The following SAMD5 variants were observed in gnomAD, a reference collection of about 807,000 sequenced individuals.
The protein encoded by SAMD5 is sterile alpha motif domain containing 5.
Under a neutral mutation model 11.3 loss-of-function variants are expected in SAMD5, and 13 were observed. The observed-to-expected ratio is 1.15, with a 90% confidence interval of 0.75 to 1.83. The LOEUF (loss-of-function observed/expected upper bound fraction) is 1.83, where lower values mean the gene tolerates loss of function less well. Among genes scored for constraint, SAMD5 ranks in the 40% most tolerant of loss-of-function variants. The probability of loss-of-function intolerance (pLI) is 0.00; values close to 1 mark genes in which losing one functional copy is unlikely to be tolerated. For missense variants in SAMD5, 255 were observed against 239.1 expected (o/e 1.07, Z -0.44); for synonymous variants, 129 against 111.3 (o/e 1.16, Z -1.00).
the SAMD5 span, among the ~76,000 whole-genome samples, chr6:147,877,033 G>A: frequency 6.6e-6 from 1 of 151,968 alleles, no homozygotes; most frequent in African/African-American, 2.4e-5. Flanking sequence ...TCATTTAACA[G>A]CAGGACCTAA....
chr6:147,813,080 A>G, the SAMD5 span, among the ~76,000 whole-genome samples: 26 of 152,196 alleles, frequency 1.7e-4, 1 homozygote, highest in Non-Finnish European at 1.5e-5. Flanking sequence ...AGTACTTCTT[A>G]TCTGTTCTTT....
intron 1 of SAMD5, among the ~76,000 whole-genome samples, chr6:147,541,816 T>C (rs944235742): frequency 4.6e-5 from 7 of 152,160 alleles, no homozygotes; most frequent in African/African-American, 7.2e-5. Context: ...ATCTTCCTGG[T>C]TGAGAAGTCT....
chr6:147,586,586 G>C (rs1789377842), intron 1 of SAMD5, among the ~76,000 whole-genome samples: 1 of 151,974 alleles, frequency 6.6e-6, no homozygotes, highest in Non-Finnish European at 1.5e-5. Flanking sequence ...CTTTAAATAA[G>C]TCCATATTGT....
chr6:147,948,298 T>C, the SAMD5 span, among the ~76,000 whole-genome samples: 1 of 149,586 alleles, frequency 6.7e-6, no homozygotes, highest in Admixed American at 6.7e-5. Context: ...AAAACACGAA[T>C]CATTTGATCT....
chr6:147,896,109 C>T, the SAMD5 span, among the ~76,000 whole-genome samples: 1 of 152,208 alleles, frequency 6.6e-6, no homozygotes, highest in Non-Finnish European at 1.5e-5. Flanking sequence ...CCTGATAGTG[C>T]ACCTGAGGAC....
At chr6:147,588,406 C>T (rs1789405834) in intron 1 of SAMD5, among the ~76,000 whole-genome samples, 2 of 149,976 alleles carry the variant, frequency 1.3e-5, no homozygotes, top group African/African-American at 4.9e-5. Context: ...CTCCGCCTCC[C>T]AGGTTCAAGC....
At chr6:147,803,151 G>C in the SAMD5 span, among the ~76,000 whole-genome samples, 1 of 143,104 alleles carries the variant, frequency 7.0e-6, no homozygotes, top group African/African-American at 2.8e-5. Context: ...GTGTGTGTGT[G>C]TGTGTGTGTG....
At chr6:147,873,300 C>T in the SAMD5 span, among the ~76,000 whole-genome samples, 20 of 151,040 alleles carry the variant, frequency 1.3e-4, no homozygotes, top group Non-Finnish European at 1.5e-5. Flanking sequence ...TCGCTTGAAC[C>T]AAGGAGGCAG....
the SAMD5 span, among the ~76,000 whole-genome samples, chr6:147,895,753 G>A: frequency 7.2e-5 from 11 of 152,262 alleles, no homozygotes; most frequent in South Asian, 2.1e-4. Flanking sequence ...GTTTGACCTC[G>A]GCCACATTAG....
chr6:147,855,577 G>A, the SAMD5 span, among the ~76,000 whole-genome samples: 6 of 151,998 alleles, frequency 3.9e-5, no homozygotes, highest in African/African-American at 4.8e-5. Flanking sequence ...CATAAAATAA[G>A]GCATTGCACT....
chr6:147,582,705 T>C lies in SAMD5; in HGVS notation c.162+73318T>C, dbSNP rs189979314. 1.4e-4 allele frequency among the ~76,000 whole-genome samples: 21 copies of C among 152,368 alleles called. No homozygotes were observed. In the East Asian group the frequency reaches 3.9e-3, roughly 28 times the overall value. On this transcript the variant is annotated intron_variant, in intron 1 of 1. Coordinates refer to the SAMD5 transcript ENST00000566741. ...CCAGAATCAAGCACAATACTTGTTT[T>C]GGCTTTTTCTCTCTGCCGTTTCTAT...
At chr6:147,654,961 C>G (rs781447192) in intron 1 of SAMD5, among the ~76,000 whole-genome samples, 1 of 152,100 alleles carries the variant, frequency 6.6e-6, no homozygotes, top group Non-Finnish European at 1.5e-5. Context: ...CACAATGAAC[C>G]CAAGTGATCA....
intron 1 of SAMD5, among the ~76,000 whole-genome samples, chr6:147,527,189 A>G (rs1788356164): frequency 6.6e-6 from 1 of 152,222 alleles, no homozygotes; most frequent in African/African-American, 2.4e-5. Context: ...ATTGTTATAA[A>G]GAAATACCAG....
At chr6:147,937,974 G>GA in the SAMD5 span, among the ~76,000 whole-genome samples, 1 of 152,178 alleles carries the variant, frequency 6.6e-6, no homozygotes, top group African/African-American at 2.4e-5. Context: ...TTTTCAGTGA[G>GA]AAAATTCATG....
chr6:147,731,285 G>C (rs943878335), intron 1 of SAMD5, among the ~76,000 whole-genome samples: 3 of 152,150 alleles, frequency 2.0e-5, no homozygotes, highest in Non-Finnish European at 4.4e-5. Flanking sequence ...ACAGGTGAGT[G>C]ATGCTGCATA....
intron 1 of SAMD5, among the ~76,000 whole-genome samples, chr6:147,649,854 C>A (rs1790458214): frequency 6.6e-6 from 1 of 150,834 alleles, no homozygotes; most frequent in African/African-American, 2.4e-5. Context: ...ACCAGCTGGG[C>A]AAGAACATGG....
At chr6:147,880,637 A>G in the SAMD5 span, among the ~76,000 whole-genome samples, 9 of 152,160 alleles carry the variant, frequency 5.9e-5, no homozygotes, top group Admixed American at 5.9e-4. Flanking sequence ...CCCTCAGACA[A>G]TCCCACTTGG....
the SAMD5 span, among the ~76,000 whole-genome samples, chr6:147,753,659 T>A: frequency 6.6e-6 from 1 of 152,072 alleles, no homozygotes; most frequent in Non-Finnish European, 1.5e-5. Flanking sequence ...GTCCTATTCA[T>A]TCTACTTTTT....
In SAMD5 at chr6:147,566,854, A is replaced by G. The variant is rs951707743; in HGVS notation, c.*2398A>G. 2 of 978,772 alleles carry G rather than the reference A, an allele frequency of 2.0e-6. No homozygotes were observed. The highest frequency in any genetic ancestry group is 2.4e-6 in the Non-Finnish European group (2 of 823,988). The allele number at this position is 978,772 out of a possible 1,614,324, so 60.6% of individuals were successfully genotyped here. A position where few individuals can be genotyped will look rare whatever the true frequency, so the allele number is the denominator to read the frequency against. On this transcript the variant is annotated 3_prime_UTR_variant, in exon 2 of 2. Transcript: ENST00000367474. ...AAGAGGTAGAATATAAGAGAAAGGG[A>G]TTATTTTTACCATGAATTGTATCTG...
Sources: gnomAD v4.1 joint callset for allele counts (sites outside exome capture counted in the v4.1 genomes callset) on GRCh38, gnomAD v4.1.1 for gene constraint, MANE v1.5 for transcripts, NCBI Gene and HGNC (gene_info 2026-07-23, HGNC 2026-07-21) for gene names.